The following GAS7 variants were observed in gnomAD, a reference collection of about 807,000 sequenced individuals.
The protein encoded by GAS7 is growth arrest specific 7, also known as growth arrest-specific protein 7.
GAS7 carries 28 observed loss-of-function variants against 71.1 expected under a neutral mutation model. That is an observed-to-expected ratio of 0.39 (90% confidence interval 0.29 to 0.54). The LOEUF (loss-of-function observed/expected upper bound fraction) is 0.54, where lower values mean the gene tolerates loss of function less well. Ranked by LOEUF, GAS7 falls within the 20% of genes least tolerant of loss-of-function variation. The probability of loss-of-function intolerance (pLI) is 0.62; values close to 1 mark genes in which losing one functional copy is unlikely to be tolerated. For synonymous variants in GAS7, 258 were observed against 245.8 expected (o/e 1.05, Z -0.46); for missense variants, 436 against 627.8 (o/e 0.69, Z 3.27).
chr17:10,134,776 G>A (rs2074025590), intron 1 of GAS7, among the ~76,000 whole-genome samples: 1 of 152,006 alleles, frequency 6.6e-6, no homozygotes, highest in Admixed American at 6.6e-5. Flanking sequence ...TGCAGAGCAG[G>A]GCTACCCCCT....
chr17:10,020,615 A>G (rs978698740), intron 1 of GAS7, among the ~76,000 whole-genome samples: 8 of 152,152 alleles, frequency 5.3e-5, no homozygotes, highest in Non-Finnish European at 1.0e-4. Context: ...CAGATGCTAA[A>G]AAAAAAACAA....
chr17:10,057,664 G>A (rs1391197278), intron 1 of GAS7, among the ~76,000 whole-genome samples: 2 of 151,896 alleles, frequency 1.3e-5, no homozygotes, highest in Admixed American at 6.5e-5. Flanking sequence ...CGCCCCGTCC[G>A]GGAGGTGGGG....
chr17:10,056,355 C>T (rs1486726344), intron 1 of GAS7, among the ~76,000 whole-genome samples: 1 of 152,022 alleles, frequency 6.6e-6, no homozygotes, highest in Non-Finnish European at 1.5e-5. Flanking sequence ...ATTAGCCAGG[C>T]ATGATGGTGC....
intron 8 of GAS7, among the ~76,000 whole-genome samples, chr17:9,934,534 G>C (rs766869298): frequency 6.6e-6 from 1 of 152,004 alleles, no homozygotes; most frequent in Non-Finnish European, 1.5e-5. Context: ...CCAGAGGCTC[G>C]AAAGGACCCA....
chr17:10,183,282 T>C (rs1356400862), intron 1 of GAS7, among the ~76,000 whole-genome samples: 1 of 152,134 alleles, frequency 6.6e-6, no homozygotes, highest in Non-Finnish European at 1.5e-5. Flanking sequence ...AAGTGATTTG[T>C]GCCTCATCGA....
At chr17:10,159,265 CAT>C (rs913649295) in intron 1 of GAS7, among the ~76,000 whole-genome samples, 2 of 151,370 alleles carry the variant, frequency 1.3e-5, no homozygotes, top group Non-Finnish European at 2.9e-5. Flanking sequence ...CAAGAGTAAA[CAT>C]ATGATACACA....
At chr17:9,958,267 A>C (rs1259266448) in intron 5 of GAS7, among the ~76,000 whole-genome samples, 1 of 152,200 alleles carries the variant, frequency 6.6e-6, no homozygotes, top group Admixed American at 6.5e-5. Context: ...TCATATAGCT[A>C]ATGGACAATT....
intron 4 of GAS7, among the ~76,000 whole-genome samples, chr17:9,962,239 T>TACACACACACAC (rs58521200): frequency 0.022 from 3,307 of 148,696 alleles, 131 homozygotes; most frequent in African/African-American, 0.075. Context: ...GTGCATTTTA[T>TACACACACACAC]ACACACACAC....
intron 1 of GAS7, among the ~76,000 whole-genome samples, chr17:10,045,535 A>G (rs2072939639): frequency 6.6e-6 from 1 of 152,178 alleles, no homozygotes. Flanking sequence ...CGTCTCTACT[A>G]AAAATATAAA....
intron 1 of GAS7, among the ~76,000 whole-genome samples, chr17:10,166,287 T>C (rs73279954): frequency 2.0e-3 from 310 of 152,270 alleles, no homozygotes; most frequent in African/African-American, 7.3e-3. Context: ...CCTCCCAAAG[T>C]GGTGAGATTG....
intron 2 of GAS7, among the ~76,000 whole-genome samples, chr17:10,009,687 AAAC>A (rs2071688424): frequency 6.6e-6 from 1 of 151,212 alleles, no homozygotes; most frequent in African/African-American, 2.4e-5. Context: ...AAAAAAAAAA[AAAC>A]CAAACAAAAA....
intron 2 of GAS7, among the ~76,000 whole-genome samples, chr17:9,998,704 G>GGAA (rs2071146131): frequency 7.3e-6 from 1 of 136,302 alleles, no homozygotes; most frequent in Non-Finnish European, 1.6e-5. Context: ...AAGGAAAAGG[G>GGAA]AAGGGAAGGG....
chr17:10,013,739 G>C (rs576905411), intron 2 of GAS7, among the ~76,000 whole-genome samples: 3 of 152,290 alleles, frequency 2.0e-5, no homozygotes, highest in African/African-American at 7.2e-5. Context: ...TCATAAACCT[G>C]ATCTATATTT....
At chr17:10,030,171 T>C (rs2072577544) in intron 1 of GAS7, among the ~76,000 whole-genome samples, 1 of 152,180 alleles carries the variant, frequency 6.6e-6, no homozygotes, top group Non-Finnish European at 1.5e-5. Context: ...CCTGGTGCTG[T>C]GAGTCTTTTG....
chr17:10,126,366 GCA>G (rs1491044032), intron 1 of GAS7, among the ~76,000 whole-genome samples: 3 of 40,696 alleles, frequency 7.4e-5, no homozygotes, highest in Non-Finnish European at 7.6e-5. Context: ...ACACACTCTT[GCA>G]CACACACCCA....
Position 9,919,165 on chromosome 17 carries a change from A to G in GAS7, c.1218+461T>C, listed in dbSNP as rs113804321. Among the ~76,000 whole-genome samples the G allele has an allele frequency of 6.5e-3, 773 of 118,926 alleles. 13 individuals are homozygous for G. The highest frequency in any genetic ancestry group is 0.019 in the African/African-American group (733 of 37,792). The allele number at this position is 118,926 out of a possible 152,430, so 78.0% of individuals were successfully genotyped here. ...TCATCGGCCCTGCCGCCTGTTGTTC[A>G]CCCTTGGTGAGAGGCCTCCCCCACC... On this transcript the variant is annotated intron_variant, in intron 12 of 13. Transcript: ENST00000432992. The surrounding 1 kb of genome is among the most constrained non-coding windows in gnomAD (Gnocchi z 5.0).
chr17:10,158,965 G>A (rs1221491477), intron 1 of GAS7, among the ~76,000 whole-genome samples: 1 of 149,416 alleles, frequency 6.7e-6, no homozygotes, highest in Non-Finnish European at 1.5e-5. Context: ...GCTGAGGTGA[G>A]AGGATCATCA....
At chr17:10,019,309 G>A (rs1013756710) in intron 2 of GAS7, among the ~76,000 whole-genome samples, 7 of 152,128 alleles carry the variant, frequency 4.6e-5, no homozygotes, top group South Asian at 2.1e-4. Flanking sequence ...AAAAGATGAC[G>A]TTGTAGTGAA....
At chr17:10,071,146 A>G (rs2073336202) in intron 1 of GAS7, among the ~76,000 whole-genome samples, 1 of 151,706 alleles carries the variant, frequency 6.6e-6, no homozygotes, top group Non-Finnish European at 1.5e-5. Context: ...CCCAGCCAGC[A>G]GGACCCCAAA....
Sources: gnomAD v4.1 joint callset for allele counts (sites outside exome capture counted in the v4.1 genomes callset) on GRCh38, gnomAD v4.1.1 for gene constraint, Gnocchi (gnomAD v3.1) non-coding constraint, MANE v1.5 for transcripts, NCBI Gene and HGNC (gene_info 2026-07-23, HGNC 2026-07-21) for gene names.